The following COX20 variants were observed in gnomAD, a reference collection of about 807,000 sequenced individuals.
COX20 encodes the protein cytochrome c oxidase assembly protein COX20, mitochondrial.
A neutral mutation model predicts 14.3 loss-of-function variants in COX20; 14 were observed. The ratio of observed to expected loss-of-function variants is 0.98; its 90% CI spans 0.65 to 1.53. The LOEUF (loss-of-function observed/expected upper bound fraction) is 1.53. COX20 is among the 40% of genes most tolerant of loss of function. The probability of loss-of-function intolerance (pLI) is 0.00; values close to 1 mark genes in which losing one functional copy is unlikely to be tolerated. For missense variants in COX20, 149 were observed against 142.1 expected (o/e 1.05, Z -0.25); for synonymous variants, 56 against 51.7 (o/e 1.08, Z -0.36).
intron 1 of COX20, chr1:244,836,414 C>A: frequency 2.2e-6 from 3 of 1,372,212 alleles, no homozygotes; most frequent in Non-Finnish European, 3.0e-6. Context: ...TAAAGCTAAA[C>A]CAAGCGCTCT....
intron 1 of COX20, chr1:244,836,430 G>A: frequency 1.3e-6 from 2 of 1,495,482 alleles, no homozygotes; most frequent in Non-Finnish European, 1.8e-6. Flanking sequence ...GCTCTCCCTG[G>A]AAGGGCTCCT....
chr1:244,835,461 C>T (rs908509351), upstream of COX20: 5 of 379,294 alleles, frequency 1.3e-5, no homozygotes, highest in Admixed American at 4.5e-5. Flanking sequence ...TCCTTCCGCT[C>T]TCCCGCCCCT....
chr1:244,839,177 A>C (rs867534491), intron 1 of COX20, among the ~76,000 whole-genome samples: 2 of 151,592 alleles, frequency 1.3e-5, no homozygotes, highest in African/African-American at 4.8e-5. Flanking sequence ...TGAGTATGCA[A>C]GAGGGGAATC....
At position 244,835,753 on chromosome 1, in the gene COX20, G is replaced by C; in HGVS notation, c.39G>C (p.Arg13Ser). 1 of 1,265,836 alleles carries C rather than the reference G, an allele frequency of 7.9e-7. No homozygotes were observed. The highest frequency in any genetic ancestry group is 1.0e-6 in the Non-Finnish European group (1 of 1,003,144). The allele number at this position is 1,265,836 out of a possible 1,614,324, so 78.4% of individuals were successfully genotyped here. Residue 13 changes from arginine (R) to serine (S), a missense_variant, in exon 1 of 4, where the codon AGG becomes AGC. Coordinates refer to ENST00000411948, the MANE Select transcript of COX20 (RefSeq NM_198076.6). ...CGGAGCCCGGTGAGCCCGAGGAGAG[G>C]AAGGTAACCTGGGGGTCGGCGGGGC... ...APPEPGEPEE[R>S]KSLKLLGFLD...
Position 244,844,061 on chromosome 1 carries a change from T to TA in COX20, c.*888dup, listed in dbSNP as rs1680326294. On this transcript the variant is annotated 3_prime_UTR_variant, in exon 4 of 4. Transcript: ENST00000411948. ...ACAAGCTAGATGCTTAAGAAATGCT[T>TA]AAAGAAATATTGGGGCGAAGGTAAC... The TA allele has an allele frequency of 6.6e-6, 1 of 152,174 alleles. No individual in the cohort carries two copies. The highest frequency in any genetic ancestry group is 2.4e-5 in the African/African-American group (1 of 41,434). The allele number at this position is 152,174 out of a possible 1,614,324, so 9.4% of individuals were successfully genotyped here. A position where few individuals can be genotyped will look rare whatever the true frequency, so the allele number is the denominator to read the frequency against.
chr1:244,842,166 C>T lies in COX20; in HGVS notation c.158-29C>T, dbSNP rs180901277. ...GTAATGTATATAACGTAATTATATT[C>T]TAATTAATTGTTATGCTTATTTTTA... is the stretch of plus-strand genomic sequence containing the variant. On this transcript the variant is annotated intron_variant, in intron 2 of 3. Coordinates refer to ENST00000411948, the MANE Select transcript of COX20 (RefSeq NM_198076.6). The T allele has an allele frequency of 7.5e-5, 114 of 1,514,682 alleles. No homozygotes were observed. In the East Asian group the frequency reaches 2.6e-3, roughly 34 times the overall value. The allele number at this position is 1,514,682 out of a possible 1,614,324, so 93.8% of individuals were successfully genotyped here.
At chr1:244,839,586 G>C (rs1680114907) in intron 1 of COX20, among the ~76,000 whole-genome samples, 1 of 152,124 alleles carries the variant, frequency 6.6e-6, no homozygotes, top group Admixed American at 6.5e-5. Context: ...ACTTCAAAGG[G>C]AGTTATGCCC....
At chr1:244,838,812 TG>T (rs1384194655) in intron 1 of COX20, among the ~76,000 whole-genome samples, 1 of 151,982 alleles carries the variant, frequency 6.6e-6, no homozygotes, top group African/African-American at 2.4e-5. Context: ...TTTTTTGAGA[TG>T]GAGTCTTCTT....
In COX20 at chr1:244,841,962, T is replaced by C; in HGVS notation, c.61T>C (p.Phe21Leu). 1 of 1,596,904 alleles carries C rather than the reference T, an allele frequency of 6.3e-7. No individual in the cohort carries two copies. Among genetic ancestry groups the C allele is most frequent in the Non-Finnish European group, 8.6e-7 (1 of 1,166,312 alleles). ...EERKSLKLLGFLDVENTPCAR... is the reference protein window; with the variant it reads ...EERKSLKLLGLLDVENTPCAR... ...ATTCTAGTCCCTTAAGCTCCTAGGA[T>C]TTTTAGATGTTGAAAATACTCCCTG... Residue 21 changes from phenylalanine (F) to leucine (L), a missense_variant, in exon 2 of 4, where the codon TTT (phenylalanine) becomes CTT (leucine). Phe to Leu is a conservative substitution (Grantham distance 22). Transcript: ENST00000411948.
At chr1:244,842,414 G>C in intron 3 of COX20, 156 bp downstream of exon 3, 5 of 644,290 alleles carry the variant, frequency 7.8e-6, no homozygotes, top group Non-Finnish European at 8.4e-6. Flanking sequence ...ATCTTAAAAT[G>C]CTTGAACAGA....
At chr1:244,841,711 C>A in intron 1 of COX20, 1 of 419,348 alleles carries the variant, frequency 2.4e-6, no homozygotes, top group South Asian at 4.3e-5. Flanking sequence ...TCCAAGTTAC[C>A]CTACTGCTTA....
In COX20 at chr1:244,844,453, G is replaced by GTTTGGTTTAACTAT. The variant is rs1254908408; in HGVS notation, c.*1278_*1279insTTGGTTTAACTATT. ...ATGCACTACATTATCCAAATTAGTC[G>GTTTGGTTTAACTAT]TAACCAAATAGTTAAAAAATTCTGC... On this transcript the variant is annotated 3_prime_UTR_variant, in exon 4 of 4. Transcript: ENST00000411948. 2.6e-5 allele frequency: 4 copies of GTTTGGTTTAACTAT among 152,148 alleles called. No homozygotes were observed. Among genetic ancestry groups the GTTTGGTTTAACTAT allele is most frequent in the Admixed American group, 2.0e-4 (3 of 15,272 alleles). 9.4% of individuals were successfully genotyped at this position (152,148 alleles called of 1,614,324 possible).
At chr1:244,840,342 G>T (rs1680149186) in intron 1 of COX20, 1 of 152,164 alleles carries the variant, frequency 6.6e-6, no homozygotes, top group Non-Finnish European at 1.5e-5. Flanking sequence ...CCTAAGACTA[G>T]ATCAAACTGG....
At chr1:244,840,254 T>G (rs1001903691) in intron 1 of COX20, 1 of 152,178 alleles carries the variant, frequency 6.6e-6, no homozygotes, top group Non-Finnish European at 1.5e-5. Context: ...TGATTGTAAA[T>G]CAGAATCTGA....
chr1:244,842,770 C>A, intron 3 of COX20: 1 of 287,954 alleles, frequency 3.5e-6, no homozygotes, highest in Non-Finnish European at 6.5e-6. Flanking sequence ...CTTATAATAG[C>A]CAATGCTATC....
upstream of COX20, chr1:244,835,516 G>GGAAC: frequency 2.5e-6 from 1 of 392,594 alleles, no homozygotes; most frequent in Admixed American, 4.5e-5. Flanking sequence ...CCCGTTCGAC[G>GGAAC]GAACAAAGGA....
At chr1:244,837,262 A>G (rs910566716) in intron 1 of COX20, among the ~76,000 whole-genome samples, 5 of 152,236 alleles carry the variant, frequency 3.3e-5, no homozygotes, top group Non-Finnish European at 7.3e-5. Flanking sequence ...AAAATTGCTC[A>G]TGAAACAGTA....
chr1:244,841,412 CAT>C (rs1680195006), intron 1 of COX20: 1 of 153,168 alleles, frequency 6.5e-6, no homozygotes, highest in Admixed American at 6.5e-5. Flanking sequence ...ATATATTGCC[CAT>C]GTTTATCTTA....
At chr1:244,837,056 G>A (rs1680012438) in intron 1 of COX20, among the ~76,000 whole-genome samples, 2 of 151,338 alleles carry the variant, frequency 1.3e-5, no homozygotes, top group South Asian at 4.2e-4. Flanking sequence ...TTTGGTAGGA[G>A]ATAACTGCTG....
Sources: gnomAD v4.1 joint callset for allele counts (sites outside exome capture counted in the v4.1 genomes callset) on GRCh38, gnomAD v4.1.1 for gene constraint, MANE v1.5 for transcripts, NCBI Gene and HGNC (gene_info 2026-07-23, HGNC 2026-07-21) for gene names.